Variants in SLC9A4 observed in about 807,000 individuals in gnomAD.
SLC9A4 encodes solute carrier family 9 member A4, also known as sodium/hydrogen exchanger 4.
In SLC9A4, 63 loss-of-function variants were observed where a neutral mutation model predicts 67.4. That is an observed-to-expected ratio of 0.93 (90% CI 0.76 to 1.15). The LOEUF (loss-of-function observed/expected upper bound fraction) is 1.15, where lower values mean the gene tolerates loss of function less well. Among genes scored for constraint, SLC9A4 ranks in the 50% most tolerant of loss-of-function variants. The probability of loss-of-function intolerance (pLI) is 0.00; values close to 1 mark genes in which losing one functional copy is unlikely to be tolerated. For synonymous variants in SLC9A4, 393 were observed against 367.2 expected (o/e 1.07, Z -0.80); for missense variants, 1,089 against 987.7 (o/e 1.10, Z -1.38).
chr2:102,504,083 C>T (rs904591942), intron 3 of SLC9A4, among the ~76,000 whole-genome samples: 1 of 152,108 alleles, frequency 6.6e-6, no homozygotes, highest in African/African-American at 2.4e-5. Context: ...GACAGAGTCT[C>T]GCTCTGTCGC....
chr2:102,492,515 G>A (rs141148592), intron 2 of SLC9A4, among the ~76,000 whole-genome samples: 24 of 152,350 alleles, frequency 1.6e-4, no homozygotes, highest in African/African-American at 5.5e-4. Flanking sequence ...AATGACCTGA[G>A]CAGTATTTTG....
chr2:102,489,858 T>C (rs180777455), intron 2 of SLC9A4, among the ~76,000 whole-genome samples: 2 of 152,324 alleles, frequency 1.3e-5, no homozygotes, highest in Non-Finnish European at 2.9e-5. Context: ...TCTTCTTAGT[T>C]GGTTTCCTTT....
rs757370047 is a variant in SLC9A4, at chr2:102,514,276, T to C, written c.1721+25T>C. On this transcript the variant is annotated intron_variant, in intron 8 of 11. Transcript: ENST00000295269. ...AGTGAGTCATATCTGTTCTTTGTTC[T>C]AAACTTTCACTGTCAGAATTCCAAG... 9.6e-6 allele frequency: 15 copies of C among 1,560,132 alleles called. No individual in the cohort carries two copies. In the Admixed American group the frequency reaches 1.3e-4, roughly 13 times the overall value.
chr2:102,524,100 A>C (rs897499897), intron 9 of SLC9A4, among the ~76,000 whole-genome samples: 9 of 152,226 alleles, frequency 5.9e-5, no homozygotes, highest in Non-Finnish European at 1.0e-4. Flanking sequence ...TCACTTATGT[A>C]ATCCTGTGCC....
At chr2:102,520,730 C>G (rs148873692) in intron 9 of SLC9A4, among the ~76,000 whole-genome samples, 1 of 152,138 alleles carries the variant, frequency 6.6e-6, no homozygotes, top group Non-Finnish European at 1.5e-5. Context: ...ACAAAATCAC[C>G]TAGGCAAAGC....
intron 2 of SLC9A4, among the ~76,000 whole-genome samples, chr2:102,480,250 C>A (rs547452506): frequency 2.6e-5 from 4 of 152,118 alleles, no homozygotes; most frequent in African/African-American, 9.6e-5. Flanking sequence ...TATGCATATA[C>A]AACATTTTTG....
At chr2:102,491,427 A>G (rs187219524) in intron 2 of SLC9A4, among the ~76,000 whole-genome samples, 17 of 142,964 alleles carry the variant, frequency 1.2e-4, no homozygotes, top group Non-Finnish European at 2.3e-4. Context: ...AGCACCACAT[A>G]GTTGGGGAGG....
chr2:102,526,202 T>C (rs1352628876), intron 10 of SLC9A4, 57 bp from the exon 11 acceptor site: 8 of 1,560,586 alleles, frequency 5.1e-6, no homozygotes, highest in African/African-American at 1.4e-5. Context: ...ATTTGCCATG[T>C]GAAGCTCTTA....
rs1436745609 is a variant in SLC9A4, at chr2:102,532,341, A to T, written c.2050A>T (p.Ser684Cys). 1 of 1,612,730 alleles carries T rather than the reference A, an allele frequency of 6.2e-7. No individual in the cohort carries two copies. Among genetic ancestry groups the T allele is most frequent in the African/African-American group, 1.3e-5 (1 of 74,864 alleles). ...RAAGFSDDDS[S>C]DPGSPSITFS... is the part of the protein sequence containing the mutation. ...TGATGTTTTCCTAGATGATGACAGC[A>T]GTGATCCAGGATCCCCATCCATCAC... The change falls in exon 12 of 12, where the codon AGT becomes TGT. Residue 684 changes from serine to cysteine, a missense_variant. By Grantham distance (112) the Ser-to-Cys change is moderately radical. Coordinates refer to ENST00000295269, the MANE Select transcript of SLC9A4 (RefSeq NM_001011552.4).
intron 5 of SLC9A4, 81 bp from the exon 6 acceptor site, chr2:102,508,766 A>G: frequency 2.0e-6 from 2 of 1,015,138 alleles, no homozygotes; most frequent in Non-Finnish European, 3.0e-6. Flanking sequence ...GGACATTCTA[A>G]TAGTTTTGTT....
rs201036433 is a variant in SLC9A4, at chr2:102,479,275, G to A, written c.693G>A (p.Glu231=). 3.1e-6 allele frequency: 5 copies of A among 1,612,324 alleles called. No individual in the cohort carries two copies. In the African/African-American group the frequency reaches 5.3e-5, roughly 17 times the overall value. The part of the protein sequence containing the change: ...NEQLYMMIFG[E]ALLNDGITVV... Reference sequence around the variant, plus strand: ...AGCTCTACATGATGATCTTTGGGGAGGCCCTGCTCAATGATGGCATTACTG... The same window carrying A: ...AGCTCTACATGATGATCTTTGGGGAAGCCCTGCTCAATGATGGCATTACTG... Residue 231 remains glutamate, a synonymous_variant, in exon 2 of 12, where the codon GAG becomes GAA. Transcript: ENST00000295269.
chr2:102,474,120 C>A, intron 1 of SLC9A4, 105 bp downstream of exon 1: 1 of 1,310,694 alleles, frequency 7.6e-7, no homozygotes, highest in Non-Finnish European at 1.0e-6. Flanking sequence ...ACTGTTACTG[C>A]TATTACATTA....
rs772232007 is a variant in SLC9A4, at chr2:102,503,639, C to A, written c.912C>A (p.Leu304=). The part of the protein sequence containing the change: ...FTQNISAIEP[L]IVFMFSYLSY... ...AGAATATCTCTGCAATTGAGCCACT[C>A]ATCGTCTTCATGTTCAGCTATTTGT... Residue 304 remains leucine, a synonymous_variant, in exon 3 of 12, where the codon CTC becomes CTA. Transcript: ENST00000295269. 1.2e-6 allele frequency: 2 copies of A among 1,614,198 alleles called. No individual in the cohort carries two copies. Among genetic ancestry groups the A allele is most frequent in the Non-Finnish European group, 1.7e-6 (2 of 1,180,038 alleles).
intron 4 of SLC9A4, chr2:102,505,751 A>G: frequency 2.8e-6 from 1 of 358,038 alleles, no homozygotes; most frequent in Non-Finnish European, 5.0e-6. Context: ...CTATTTAAAT[A>G]TAATTCAGTC....
intron 11 of SLC9A4, 99 bp downstream of exon 11, chr2:102,526,445 G>C: frequency 1.1e-5 from 11 of 1,031,760 alleles, no homozygotes; most frequent in Non-Finnish European, 1.6e-5. Flanking sequence ...ACATTATGTA[G>C]GTTACTTACA....
intron 1 of SLC9A4, among the ~76,000 whole-genome samples, chr2:102,477,737 G>A (rs551651385): frequency 6.6e-6 from 1 of 152,174 alleles, no homozygotes; most frequent in African/African-American, 2.4e-5. Context: ...ACAACGGAAT[G>A]AGAAGACAAG....
At chr2:102,482,328 G>T (rs566973712) in intron 2 of SLC9A4, among the ~76,000 whole-genome samples, 2 of 152,246 alleles carry the variant, frequency 1.3e-5, no homozygotes, top group African/African-American at 4.8e-5. Flanking sequence ...TAAAACCTCA[G>T]ATGACCGCTG....
chr2:102,522,217 T>C lies in SLC9A4; in HGVS notation c.1818+2262T>C, dbSNP rs1168541369. On this transcript the variant is annotated intron_variant, in intron 9 of 11. Coordinates refer to ENST00000295269, the MANE Select transcript of SLC9A4 (RefSeq NM_001011552.4). ...TTCCCGAGTAGCCTGGATAATCAGA[T>C]CACTCTCAGAATTTCTACATACTTT... Among the ~76,000 whole-genome samples, 3 of 152,114 alleles carry C rather than the reference T, an allele frequency of 2.0e-5. No individual in the cohort carries two copies. In the East Asian group the frequency reaches 5.8e-4, roughly 29 times the overall value.
Position 102,532,847 on chromosome 2 carries a change from C to G in SLC9A4, c.*159C>G. ...GCAGCAGGAAGATTTTTTCCAAGGA[C>G]TGGGAGCAAACTTGCAGGCTCTGCC... On this transcript the variant is annotated 3_prime_UTR_variant, in exon 12 of 12. Coordinates refer to ENST00000295269, the MANE Select transcript of SLC9A4 (RefSeq NM_001011552.4). The G allele has an allele frequency of 1.3e-6, 1 of 748,032 alleles. No individual in the cohort carries two copies. The highest frequency in any genetic ancestry group is 2.1e-6 in the Non-Finnish European group (1 of 477,150). 46.3% of individuals were successfully genotyped at this position (748,032 alleles called of 1,614,324 possible).
Sources: gnomAD v4.1 joint callset for allele counts (sites outside exome capture counted in the v4.1 genomes callset) on GRCh38, gnomAD v4.1.1 for gene constraint, MANE v1.5 for transcripts, NCBI Gene and HGNC (gene_info 2026-07-23, HGNC 2026-07-21) for gene names.